Variants in DACH2 observed in about 807,000 individuals in gnomAD.
DACH2 encodes the protein dachshund family transcription factor 2, also known as dachshund homolog 2.
In DACH2, 17 loss-of-function variants were observed where a neutral mutation model predicts 35.8. The ratio of observed to expected loss-of-function variants is 0.48; its 90% confidence interval spans 0.33 to 0.71. DACH2 has a LOEUF of 0.71. Ranked by LOEUF, DACH2 falls within the 30% of genes least tolerant of loss-of-function variation. The pLI is 0.02. For missense variants in DACH2, 469 were observed against 472.7 expected (o/e 0.99, Z 0.07); for synonymous variants, 195 against 177.3 (o/e 1.10, Z -0.79).
chrX:86,576,354 C>G (rs1290995015), intron 3 of DACH2, among the ~76,000 whole-genome samples: 1 of 111,784 alleles, frequency 8.9e-6, no homozygotes, highest in Non-Finnish European at 1.9e-5. Context: ...ATATTTTACT[C>G]TAACTTTATA....
intron 6 of DACH2, among the ~76,000 whole-genome samples, chrX:86,723,180 T>C (rs937669498): frequency 1.9e-4 from 21 of 111,859 alleles, no homozygotes; most frequent in African/African-American, 6.8e-4. Flanking sequence ...GTCTCCTTTT[T>C]ATTTATGATT....
intron 2 of DACH2, among the ~76,000 whole-genome samples, chrX:86,473,345 A>T (rs2037789929): frequency 9.0e-6 from 1 of 111,294 alleles, no homozygotes; most frequent in African/African-American, 3.3e-5. Flanking sequence ...CCCCTCAAGC[A>T]TTTATCCTTT....
chrX:86,221,908 C>T (rs1383779571), intron 1 of DACH2, among the ~76,000 whole-genome samples: 1 of 112,282 alleles, frequency 8.9e-6, no homozygotes, highest in Non-Finnish European at 1.9e-5. Context: ...TGGCTGCCTT[C>T]TTGCTGTATC....
intron 1 of DACH2, among the ~76,000 whole-genome samples, chrX:86,294,532 GT>G (rs952279082): frequency 9.1e-6 from 1 of 110,387 alleles, no homozygotes; most frequent in African/African-American, 3.3e-5. Context: ...TTTCTGCTCT[GT>G]TTTTTCCCCA....
chrX:86,589,912 G>A (rs747219321), intron 3 of DACH2, among the ~76,000 whole-genome samples: 7 of 111,622 alleles, frequency 6.3e-5, no homozygotes, highest in South Asian at 7.4e-4. Flanking sequence ...TGGTTTTACC[G>A]CAGTATGTTT....
chrX:86,649,891 C>T (rs1327111450), intron 3 of DACH2, among the ~76,000 whole-genome samples: 5 of 110,832 alleles, frequency 4.5e-5, no homozygotes, highest in African/African-American at 3.3e-5. Flanking sequence ...CCTTGAATCA[C>T]GTTTTTATGG....
chrX:86,289,346 G>A (rs1280943700), intron 1 of DACH2, among the ~76,000 whole-genome samples: 1 of 107,656 alleles, frequency 9.3e-6, no homozygotes, highest in Admixed American at 1.0e-4. Context: ...GCAGCCTGTG[G>A]TTAGGGGAGG....
chrX:86,399,022 G>A (rs1193644481), intron 2 of DACH2, among the ~76,000 whole-genome samples: 1 of 111,439 alleles, frequency 9.0e-6, no homozygotes, highest in African/African-American at 3.3e-5. Flanking sequence ...GGGAGTCTAA[G>A]TCTCTTTGTA....
intron 3 of DACH2, among the ~76,000 whole-genome samples, chrX:86,544,921 A>G (rs1012226162): frequency 1.8e-5 from 2 of 112,125 alleles, no homozygotes; most frequent in African/African-American, 6.5e-5. Context: ...TCTTGCCTCA[A>G]CTTCCCGAAT....
At chrX:86,312,027 GA>G (rs936396193) in intron 1 of DACH2, among the ~76,000 whole-genome samples, 1 of 111,008 alleles carries the variant, frequency 9.0e-6, no homozygotes, top group Admixed American at 9.6e-5. Flanking sequence ...ACCCCACCAG[GA>G]AAAAAACCAC....
In DACH2 at chrX:86,272,226, G is replaced by GTA. The variant is rs745620799; in HGVS notation, c.489-104594_489-104593dup. Among the ~76,000 whole-genome samples the GTA allele has an allele frequency of 5.4e-3, 596 of 110,030 alleles. 5 individuals are homozygous for GTA. The highest frequency in any genetic ancestry group is 0.019 in the African/African-American group (562 of 30,203). On this transcript the variant is annotated intron_variant, in intron 1 of 11. Coordinates refer to ENST00000373125, the MANE Select transcript of DACH2 (RefSeq NM_053281.3). ...TGTGTGTGTGTGTGTGTGTGTGTGT[G>GTA]TATATCACATTTTCTTTAATTACTT...
At chrX:86,485,559 A>G (rs938326793) in intron 2 of DACH2, among the ~76,000 whole-genome samples, 22 of 111,751 alleles carry the variant, frequency 2.0e-4, no homozygotes, top group Admixed American at 9.6e-5. Context: ...GGTGATAAAT[A>G]TGGCAATTAC....
chrX:86,336,053 AT>A (rs1379712363), intron 1 of DACH2, among the ~76,000 whole-genome samples: 11 of 111,959 alleles, frequency 9.8e-5, no homozygotes, highest in Non-Finnish European at 1.7e-4. Context: ...GATTACGTTT[AT>A]TGGTTTGCAT....
chrX:86,315,213 C>T (rs1266133514), intron 1 of DACH2, among the ~76,000 whole-genome samples: 5 of 112,130 alleles, frequency 4.5e-5, no homozygotes, highest in Non-Finnish European at 9.4e-5. Context: ...TCTGCCTGTG[C>T]TATGCAAATG....
chrX:86,719,120 C>T (rs1457173796), intron 6 of DACH2, among the ~76,000 whole-genome samples: 1 of 111,560 alleles, frequency 9.0e-6, no homozygotes, highest in Non-Finnish European at 1.9e-5. Context: ...GATATTTTTC[C>T]ATTTGTTTTT....
intron 1 of DACH2, among the ~76,000 whole-genome samples, chrX:86,369,060 C>T (rs752713125): frequency 4.2e-4 from 46 of 110,463 alleles, no homozygotes; most frequent in South Asian, 1.1e-3. Flanking sequence ...CTTACTTTTG[C>T]GCACAAAATA....
chrX:86,362,454 A>C (rs757311774), intron 1 of DACH2, among the ~76,000 whole-genome samples: 55 of 111,813 alleles, frequency 4.9e-4, no homozygotes, highest in African/African-American at 1.7e-3. Context: ...CCATTGAAAG[A>C]AATCAAAACA....
intron 3 of DACH2, among the ~76,000 whole-genome samples, chrX:86,556,793 TATAG>T (rs1485074871): frequency 2.5e-3 from 81 of 33,049 alleles, no homozygotes; most frequent in Non-Finnish European, 3.3e-3. Context: ...TATATATATA[TATAG>T]AGAGAGAGAG....
intron 3 of DACH2, among the ~76,000 whole-genome samples, chrX:86,593,832 T>C (rs1296836567): frequency 1.8e-5 from 2 of 111,262 alleles, no homozygotes; most frequent in African/African-American, 6.5e-5. Flanking sequence ...TTTTTATCTG[T>C]TTTTTTATTA....
Sources: allele counts gnomAD v4.1 joint callset (sites outside exome capture counted in the v4.1 genomes callset), GRCh38; gene constraint gnomAD v4.1.1; transcripts MANE v1.5; gene names NCBI Gene and HGNC (gene_info 2026-07-23, HGNC 2026-07-21).